The following CENPF variants were observed in gnomAD, a reference collection of about 807,000 sequenced individuals.
CENPF encodes the protein centromere protein F, also known as AH antigen.
In CENPF, 214 loss-of-function variants were observed where a neutral mutation model predicts 307.3. The observed-to-expected ratio is 0.70, with a 90% CI of 0.62 to 0.78. The LOEUF (loss-of-function observed/expected upper bound fraction) is 0.78, where lower values mean the gene tolerates loss of function less well. CENPF is among the 30% of genes least tolerant of loss of function. The pLI is 0.00. For synonymous variants in CENPF, 1,259 were observed against 1,270.6 expected (o/e 0.99, Z 0.19); for missense variants, 3,401 against 3,483.9 (o/e 0.98, Z 0.60).
Position 214,620,748 on chromosome 1 carries a change from A to G in CENPF, c.667A>G (p.Lys223Glu). The change falls in exon 6 of 20, where the codon AAG (lysine) becomes GAG (glutamate). Residue 223 changes from lysine to glutamate, a missense_variant. Transcript: ENST00000366955. Reference sequence around the variant, plus strand: ...ATCTGTGTTCTCATGGCAGCAAGAGAAGACCCCAAGTCATCTTTCATCTAA... The same window carrying G: ...ATCTGTGTTCTCATGGCAGCAAGAGGAGACCCCAAGTCATCTTTCATCTAA... ...SSSVFSWQQE[K>E]TPSHLSSNSQ... The G allele has an allele frequency of 6.2e-7, 1 of 1,614,150 alleles. No homozygotes were observed. Among genetic ancestry groups the G allele is most frequent in the South Asian group, 1.1e-5 (1 of 91,088 alleles).
Position 214,640,431 on chromosome 1 carries a change from T to G in CENPF, c.2093T>G (p.Leu698Arg). The G allele has an allele frequency of 1.2e-6, 2 of 1,613,960 alleles. No homozygotes were observed. Among genetic ancestry groups the G allele is most frequent in the South Asian group, 2.2e-5 (2 of 91,042 alleles). ...SKSVEVETQK[L>R]AYMELQQKAE... is the part of the protein sequence containing the mutation. Reference sequence around the variant, plus strand: ...TCAGTGGAGGTAGAGACCCAGAAACTAGCTTATATGGAGCTACAGCAGAAA... The same window carrying G: ...TCAGTGGAGGTAGAGACCCAGAAACGAGCTTATATGGAGCTACAGCAGAAA... Residue 698 changes from leucine (L) to arginine (R), a missense_variant, in exon 12 of 20, where the codon CTA becomes CGA. Leu to Arg is a moderately radical substitution (Grantham distance 102). Coordinates refer to ENST00000366955, the MANE Select transcript of CENPF (RefSeq NM_016343.4).
intron 1 of CENPF, chr1:214,608,471 G>A: frequency 6.2e-7 from 1 of 1,613,036 alleles, no homozygotes; most frequent in Admixed American, 1.7e-5. Context: ...ATCTGGCCCA[G>A]GTCCACGGCA....
intron 4 of CENPF, among the ~76,000 whole-genome samples, chr1:214,618,908 A>G (rs1429801514): frequency 6.6e-6 from 1 of 152,226 alleles, no homozygotes; most frequent in Admixed American, 6.5e-5. Context: ...CTTCTGTGGC[A>G]TATTTTCAAA....
At chr1:214,604,157 G>C (rs977013513) in intron 1 of CENPF, among the ~76,000 whole-genome samples, 1 of 152,132 alleles carries the variant, frequency 6.6e-6, no homozygotes, top group African/African-American at 2.4e-5. Context: ...TCTGACAACG[G>C]GAAAGCAGTG....
chr1:214,605,454 T>C, intron 1 of CENPF: 1 of 523,750 alleles, frequency 1.9e-6, no homozygotes, highest in South Asian at 2.5e-5. Context: ...TTTTTTTTTT[T>C]TTAAATTTTA....
chr1:214,650,238 A>C (rs193277106), intron 14 of CENPF, among the ~76,000 whole-genome samples: 4 of 152,286 alleles, frequency 2.6e-5, no homozygotes, highest in African/African-American at 9.6e-5. Flanking sequence ...CAGTGTGGTC[A>C]AAGCTCTGGG....
rs959104809 is a variant in CENPF, at chr1:214,614,724, A to G, written c.163-108A>G. On this transcript the variant is annotated intron_variant, in intron 2 of 19. Coordinates refer to ENST00000366955, the MANE Select transcript of CENPF (RefSeq NM_016343.4). ...TTTCTGTGTTCATATGGCTTATTGC[A>G]GCTGTATCTCAGGAATTTAGTAGTC... 4.5e-6 allele frequency: 3 copies of G among 663,144 alleles called. No homozygotes were observed. The South Asian group carries it at 8.3e-5, about 18-fold the overall frequency. The allele number at this position is 663,144 out of a possible 1,614,324, so 41.1% of individuals were successfully genotyped here. A position where few individuals can be genotyped will look rare whatever the true frequency, so the allele number is the denominator to read the frequency against.
chr1:214,622,269 G>A lies in CENPF; in HGVS notation c.1056G>A (p.Gln352=). 6.2e-7 allele frequency: 1 copy of A among 1,608,660 alleles called. No individual in the cohort carries two copies. Among genetic ancestry groups the A allele is most frequent in the South Asian group, 1.1e-5 (1 of 89,344 alleles). Residue 352 remains glutamine (Q), a synonymous_variant, in exon 7 of 20, where the codon CAG becomes CAA. Transcript: ENST00000366955. The stretch of plus-strand genomic sequence containing the variant: ...TGAGAACAACAGCACAATACGACCA[G>A]GCGTCAACCAAGGTACTTGACTTTT... ...ELVRTTAQYD[Q]ASTKYTALEQ... is the part of the protein sequence containing the mutation.
intron 17 of CENPF, 99 bp downstream of exon 17, chr1:214,655,502 TCTATTA>T (rs2102417275): frequency 3.0e-6 from 3 of 1,006,142 alleles, no homozygotes; most frequent in Non-Finnish European, 4.1e-6. Flanking sequence ...AGTGCTGTGT[TCTATTA>T]CTGAGTGCTG....
Position 214,652,811 on chromosome 1 carries a change from T to G in CENPF, c.8161-17T>G. Reference sequence around the variant, plus strand: ...GCTAAAGTAACATTTTGGTTTTTTTTGTTTGTTTTGCTCTAGTATGAAGTA... The same window carrying G: ...GCTAAAGTAACATTTTGGTTTTTTTGGTTTGTTTTGCTCTAGTATGAAGTA... On this transcript the variant is annotated splice_polypyrimidine_tract_variant and intron_variant, in intron 15 of 19. Transcript: ENST00000366955. 6.5e-7 allele frequency: 1 copy of G among 1,544,928 alleles called. No homozygotes were observed. Among genetic ancestry groups the G allele is most frequent in the South Asian group, 1.2e-5 (1 of 81,018 alleles).
intron 14 of CENPF, among the ~76,000 whole-genome samples, chr1:214,649,187 T>C (rs754387510): frequency 7.2e-5 from 11 of 152,354 alleles, no homozygotes; most frequent in Middle Eastern, 6.8e-3. Flanking sequence ...GGGTGGAATG[T>C]TGCTAGAAAC....
In CENPF at chr1:214,622,282, G is replaced by GT; in HGVS notation, c.1068+2dup. 6.3e-7 allele frequency: 1 copy of GT among 1,589,032 alleles called. No homozygotes were observed. The highest frequency in any genetic ancestry group is 8.5e-7 in the Non-Finnish European group (1 of 1,170,690). ...ACAATACGACCAGGCGTCAACCAAGGTACTTGACTTTTCGTGAATTACTGG... is the reference window on the plus strand; with the variant it reads ...ACAATACGACCAGGCGTCAACCAAGGTTACTTGACTTTTCGTGAATTACTGG... On this transcript the variant is annotated splice_donor_variant, in intron 7 of 19. Coordinates refer to ENST00000366955, the MANE Select transcript of CENPF (RefSeq NM_016343.4). LOFTEE classifies it high-confidence loss of function.
In CENPF at chr1:214,642,935, G is replaced by A. The variant is rs1363938189; in HGVS notation, c.4597G>A (p.Glu1533Lys). 1.2e-6 allele frequency: 2 copies of A among 1,613,480 alleles called. No homozygotes were observed. Among genetic ancestry groups the A allele is most frequent in the Non-Finnish European group, 1.7e-6 (2 of 1,179,880 alleles). The stretch of plus-strand genomic sequence containing the variant: ...TGAAGTATTTTGCAGCAGTCTGCAG[G>A]AGGAGAATCTGACCAGGAAAGAAAC... ...VDEVFCSSLQ[E>K]ENLTRKETPS... The change falls in exon 12 of 20, where the codon GAG becomes AAG. Residue 1533 changes from glutamate (E) to lysine (K), a missense_variant. Physicochemically the swap from Glu to Lys is moderately conservative, Grantham distance 56 (BLOSUM62 1). Coordinates refer to ENST00000366955, the MANE Select transcript of CENPF (RefSeq NM_016343.4).
rs776056862 is a variant in CENPF at position 214,641,287 on chromosome 1, T to C, written c.2949T>C (p.Asn983=). 3 of 1,606,550 alleles carry C rather than the reference T, an allele frequency of 1.9e-6. No homozygotes were observed. Among genetic ancestry groups the C allele is most frequent in the East Asian group, 4.5e-5 (2 of 44,842 alleles). ...TQENGTLKEI[N]ASLNQEKMNL... is the part of the protein sequence containing the mutation. The stretch of plus-strand genomic sequence containing the variant: ...AGAATGGGACTCTTAAGGAAATTAA[T>C]GCATCCTTAAATCAAGAGAAGATGA... The change falls in exon 12 of 20, where the codon AAT becomes AAC. Residue 983 remains asparagine (N), a synonymous_variant. Transcript: ENST00000366955.
chr1:214,607,999 C>A (rs551199373), intron 1 of CENPF, among the ~76,000 whole-genome samples: 4 of 152,206 alleles, frequency 2.6e-5, no homozygotes, highest in African/African-American at 9.6e-5. Context: ...CAGACACCAC[C>A]CACTCCCTCC....
At chr1:214,626,008 C>CGT (rs1338612629) in intron 7 of CENPF, among the ~76,000 whole-genome samples, 4 of 152,130 alleles carry the variant, frequency 2.6e-5, no homozygotes, top group East Asian at 1.9e-4. Context: ...TTTATATATA[C>CGT]GTGTGTGTGT....
chr1:214,608,972 C>G (rs1037569298), intron 1 of CENPF: 1 of 898,004 alleles, frequency 1.1e-6, no homozygotes, highest in Admixed American at 4.3e-5. Flanking sequence ...AGCTACGGCC[C>G]CAGACGGCAG....
intron 5 of CENPF, among the ~76,000 whole-genome samples, chr1:214,619,850 C>T (rs1238108409): frequency 6.6e-6 from 1 of 152,128 alleles, no homozygotes; most frequent in South Asian, 2.1e-4. Context: ...CATTAGGATT[C>T]TGATATGTAG....
At chr1:214,605,800 G>A in intron 1 of CENPF, 1 of 1,590,770 alleles carries the variant, frequency 6.3e-7, no homozygotes, top group Non-Finnish European at 8.5e-7. Context: ...CCTTGGGGCA[G>A]CGCTCGTAGA....
Sources: allele counts gnomAD v4.1 joint callset (sites outside exome capture counted in the v4.1 genomes callset), GRCh38; gene constraint gnomAD v4.1.1; transcripts MANE v1.5; gene names NCBI Gene and HGNC (gene_info 2026-07-23, HGNC 2026-07-21).